SLC36A2: variants seen among roughly 807,000 people sequenced by gnomAD.
The protein encoded by SLC36A2 is solute carrier family 36 member 2.
SLC36A2 carries 39 observed loss-of-function variants against 42.7 expected under a neutral mutation model. The observed-to-expected ratio is 0.91, with a 90% CI of 0.71 to 1.19. The LOEUF (loss-of-function observed/expected upper bound fraction) is 1.19. Ranked by LOEUF, SLC36A2 falls within the 50% of genes most tolerant of loss-of-function variation. SLC36A2 has a pLI of 0.00. For synonymous variants in SLC36A2, 237 were observed against 240.8 expected (o/e 0.98, Z 0.15); for missense variants, 590 against 613.7 (o/e 0.96, Z 0.41).
rs1159755539 is a variant in SLC36A2, at chr5:151,335,399, G to A, written c.674C>T (p.Thr225Ile). The A allele has an allele frequency of 3.7e-6, 6 of 1,613,994 alleles. No homozygotes were observed. Among genetic ancestry groups the A allele is most frequent in the Non-Finnish European group, 5.1e-6 (6 of 1,180,024 alleles). ...LVLIRNLRILTIFSMLANISM... is the reference protein window; with the variant it reads ...LVLIRNLRILIIFSMLANISM... ...GATGTTGGCCAGCATGGAGAAGATG[G>A]TCAAGATCCTGAGGTTCCGGATGAG... Residue 225 changes from threonine to isoleucine, a missense_variant, in exon 6 of 10, where the codon ACC becomes ATC. Coordinates refer to ENST00000335244, the MANE Select transcript of SLC36A2 (RefSeq NM_181776.3).
At chr5:151,322,649 T>C (rs1032303982) in intron 8 of SLC36A2, among the ~76,000 whole-genome samples, 1 of 152,226 alleles carries the variant, frequency 6.6e-6, no homozygotes, top group Non-Finnish European at 1.5e-5. Context: ...AGGAATTATC[T>C]GGATTCCCCA....
intron 4 of SLC36A2, among the ~76,000 whole-genome samples, chr5:151,341,722 C>T (rs1445531158): frequency 1.3e-5 from 2 of 152,118 alleles, no homozygotes; most frequent in Non-Finnish European, 2.9e-5. Flanking sequence ...CCTAAGAGAC[C>T]TCTCTGTCCC....
intron 5 of SLC36A2, among the ~76,000 whole-genome samples, chr5:151,336,785 C>T (rs1470392509): frequency 1.3e-5 from 2 of 150,820 alleles, no homozygotes; most frequent in Non-Finnish European, 2.9e-5. Context: ...CTAACTGATA[C>T]AGTCTTACTG....
intron 6 of SLC36A2, 41 bp downstream of exon 6, chr5:151,335,288 C>T: frequency 6.7e-7 from 1 of 1,498,440 alleles, no homozygotes; most frequent in Non-Finnish European, 9.2e-7. Context: ...GATAAAAAAA[C>T]CCTGCCCAGT....
In SLC36A2 at chr5:151,347,550, C is replaced by G; in HGVS notation, c.-90G>C. 1 of 1,509,810 alleles carries G rather than the reference C, an allele frequency of 6.6e-7. No homozygotes were observed. Among genetic ancestry groups the G allele is most frequent in the Non-Finnish European group, 9.1e-7 (1 of 1,095,116 alleles). The allele number at this position is 1,509,810 out of a possible 1,614,324, so 93.5% of individuals were successfully genotyped here. ...AAGGTGTCTAGTGTAGATGTACACC[C>G]CAGCACAGTGGTGTGTGCCCGGGCT... On this transcript the variant is annotated 5_prime_UTR_variant, in exon 1 of 10. Coordinates refer to ENST00000335244, the MANE Select transcript of SLC36A2 (RefSeq NM_181776.3).
In SLC36A2 at chr5:151,347,285, A is replaced by G; in HGVS notation, c.164+12T>C. ...GAAAGCAGAAATAGGGATGGCAGAA[A>G]ACAGCACTCACGTTATGCCCTTGGT... On this transcript the variant is annotated intron_variant, in intron 1 of 9. Transcript: ENST00000335244. 6.2e-7 allele frequency: 1 copy of G among 1,614,168 alleles called. No individual in the cohort carries two copies. Among genetic ancestry groups the G allele is most frequent in the Non-Finnish European group, 8.5e-7 (1 of 1,180,004 alleles).
intron 6 of SLC36A2, among the ~76,000 whole-genome samples, chr5:151,334,830 T>A (rs190299526): frequency 4.6e-5 from 7 of 152,338 alleles, no homozygotes; most frequent in African/African-American, 1.4e-4. Context: ...CTTATAGTTT[T>A]TTTTTAAATT....
At chr5:151,341,397 T>C (rs1756341331) in intron 4 of SLC36A2, among the ~76,000 whole-genome samples, 2 of 152,122 alleles carry the variant, frequency 1.3e-5, no homozygotes, top group African/African-American at 2.4e-5. Flanking sequence ...CATGATACCA[T>C]ACAGACTACC....
rs754153820 is a variant in SLC36A2, at chr5:151,342,919, C to T, written c.409G>A (p.Ala137Thr). Residue 137 changes from alanine to threonine, a missense_variant, in exon 4 of 10, where the codon GCC becomes ACC. Coordinates refer to ENST00000335244, the MANE Select transcript of SLC36A2 (RefSeq NM_181776.3). ...CAGTGAGCGTGATTCTGGAGCCAGGCGTTGGGGTTGGCTTCTAGTCCATGC... is the reference window on the plus strand; with the variant it reads ...CAGTGAGCGTGATTCTGGAGCCAGGTGTTGGGGTTGGCTTCTAGTCCATGC... Reference protein sequence around the residue: ...VMHGLEANPNAWLQNHAHWGR... With the variant: ...VMHGLEANPNTWLQNHAHWGR... 9.3e-6 allele frequency: 15 copies of T among 1,614,134 alleles called. No individual in the cohort carries two copies. The highest frequency in any genetic ancestry group is 1.0e-5 in the Non-Finnish European group (12 of 1,179,984).
At chr5:151,342,167 C>T (rs892013463) in intron 4 of SLC36A2, among the ~76,000 whole-genome samples, 2 of 152,180 alleles carry the variant, frequency 1.3e-5, no homozygotes, top group African/African-American at 4.8e-5. Flanking sequence ...ATAGAGTCTT[C>T]GTTTCAGAGG....
At chr5:151,342,185 A>G (rs768717693) in intron 4 of SLC36A2, among the ~76,000 whole-genome samples, 9 of 152,202 alleles carry the variant, frequency 5.9e-5, no homozygotes, top group Non-Finnish European at 8.8e-5. Context: ...AGGGTCTAAA[A>G]TGTACCACTT....
intron 7 of SLC36A2, among the ~76,000 whole-genome samples, chr5:151,331,841 C>T (rs1449758914): frequency 6.6e-6 from 1 of 151,894 alleles, no homozygotes; most frequent in Non-Finnish European, 1.5e-5. Context: ...GATTAAAACC[C>T]ACCTTGGGCA....
At chr5:151,334,677 C>T (rs896290382) in intron 6 of SLC36A2, among the ~76,000 whole-genome samples, 2 of 151,400 alleles carry the variant, frequency 1.3e-5, no homozygotes, top group African/African-American at 2.4e-5. Context: ...GGTGAAAGAT[C>T]GAGAGTCTGT....
chr5:151,332,435 A>G, intron 7 of SLC36A2: 2 of 456,054 alleles, frequency 4.4e-6, no homozygotes, highest in Non-Finnish European at 8.8e-6. Flanking sequence ...TTACGGCAGT[A>G]TCATTCATGA....
In SLC36A2 at chr5:151,333,214, C is replaced by G. The variant is rs563594675; in HGVS notation, c.843+10G>C. ...CACTAGGGATAAGGCCACCTCAATT[C>G]AAACCTTACCACACCAATGCTTTCA... is the stretch of plus-strand genomic sequence containing the variant. On this transcript the variant is annotated intron_variant, in intron 7 of 9. Transcript: ENST00000335244. The G allele has an allele frequency of 1.9e-6, 3 of 1,612,590 alleles. No homozygotes were observed. The South Asian group carries it at 3.3e-5, about 18-fold the overall frequency.
chr5:151,320,897 C>T (rs1755666670), intron 9 of SLC36A2, among the ~76,000 whole-genome samples: 1 of 152,212 alleles, frequency 6.6e-6, no homozygotes, highest in Admixed American at 6.5e-5. Context: ...AATGTCTGCC[C>T]TGGAGGTGAA....
intron 9 of SLC36A2, chr5:151,319,163 C>T (rs897718811): frequency 4.1e-6 from 4 of 972,868 alleles, no homozygotes; most frequent in African/African-American, 1.8e-5. Flanking sequence ...GTAAAGCATT[C>T]AGAAAAGTTA....
chr5:151,342,193 C>G (rs983333417), intron 4 of SLC36A2, among the ~76,000 whole-genome samples: 2 of 152,186 alleles, frequency 1.3e-5, no homozygotes, highest in Non-Finnish European at 2.9e-5. Flanking sequence ...AAATGTACCA[C>G]TTGATTGGGT....
chr5:151,332,497 G>A, intron 7 of SLC36A2: 1 of 454,902 alleles, frequency 2.2e-6, no homozygotes, highest in Non-Finnish European at 4.4e-6. Flanking sequence ...GCGTTGATAA[G>A]CTGTGGTACT....
Sources: allele counts gnomAD v4.1 joint callset (sites outside exome capture counted in the v4.1 genomes callset), GRCh38; gene constraint gnomAD v4.1.1; transcripts MANE v1.5; gene names NCBI Gene and HGNC (gene_info 2026-07-23, HGNC 2026-07-21).